Variants in LEMD3 observed in about 807,000 individuals in gnomAD.
The protein encoded by LEMD3 is LEM domain containing 3.
LEMD3 carries 33 observed loss-of-function variants against 95.2 expected under a neutral mutation model. That is an observed-to-expected ratio of 0.35 (90% CI 0.26 to 0.46). The LOEUF (loss-of-function observed/expected upper bound fraction) is 0.46, where lower values mean the gene tolerates loss of function less well. Among genes scored for constraint, LEMD3 ranks in the 20% least tolerant of loss-of-function variants. The pLI is 1.00. For synonymous variants in LEMD3, 525 were observed against 474.6 expected (o/e 1.11, Z -1.38); for missense variants, 1,210 against 1,192.8 (o/e 1.01, Z -0.21).
intron 9 of LEMD3, 58 bp downstream of exon 9, chr12:65,241,145 T>TA: frequency 7.0e-7 from 1 of 1,438,838 alleles, no homozygotes; most frequent in Non-Finnish European, 9.7e-7. Flanking sequence ...AAATGACAAA[T>TA]ATGTGTTAAG....
Position 65,169,662 on chromosome 12 carries a change from C to T in LEMD3, c.66C>T (p.Arg22=), listed in dbSNP as rs2136312141. Residue 22 remains arginine, a synonymous_variant, in exon 1 of 13, where the codon CGC becomes CGT. Transcript: ENST00000308330. ...LSDEELFSQL[R]RYGLSPGPVT... is the part of the protein sequence containing the mutation. Reference sequence around the variant, plus strand: ...ATGAGGAGCTTTTCTCTCAGCTCCGCCGTTACGGCCTGTCTCCCGGACCAG... The same window carrying T: ...ATGAGGAGCTTTTCTCTCAGCTCCGTCGTTACGGCCTGTCTCCCGGACCAG... 1 of 1,585,824 alleles carries T rather than the reference C, an allele frequency of 6.3e-7. No individual in the cohort carries two copies. Among genetic ancestry groups the T allele is most frequent in the Non-Finnish European group, 8.6e-7 (1 of 1,167,266 alleles).
At chr12:65,186,534 G>A (rs1869069318) in intron 1 of LEMD3, among the ~76,000 whole-genome samples, 1 of 151,604 alleles carries the variant, frequency 6.6e-6, no homozygotes, top group Non-Finnish European at 1.5e-5. Flanking sequence ...GGATGATTTA[G>A]GAGAGTCTTT....
At position 65,170,773 on chromosome 12, in the gene LEMD3, A is replaced by G; in HGVS notation, c.1177A>G (p.Ile393Val). The change falls in exon 1 of 13, where the codon ATT becomes GTT. Residue 393 changes from isoleucine to valine, a missense_variant. Physicochemically the swap from Ile to Val is conservative, Grantham distance 29 (BLOSUM62 3). This residue lies in a region of LEMD3 where 749 missense variants were observed against 622.9 expected (regional missense o/e 1.20). Transcript: ENST00000308330. ...CTCCCTTCTGAAAACCAATAATCATATTGGCGGTGGGGCCTTCAGTGTGGA... is the reference window on the plus strand; with the variant it reads ...CTCCCTTCTGAAAACCAATAATCATGTTGGCGGTGGGGCCTTCAGTGTGGA... ...TGSLLKTNNH[I>V]GGGAFSVDSP... is the part of the protein sequence containing the mutation. 6.2e-7 allele frequency: 1 copy of G among 1,614,148 alleles called. No individual in the cohort carries two copies. Among genetic ancestry groups the G allele is most frequent in the South Asian group, 1.1e-5 (1 of 91,082 alleles).
intron 8 of LEMD3, 89 bp from the exon 9 acceptor site, chr12:65,240,820 C>T: frequency 8.8e-7 from 1 of 1,135,978 alleles, no homozygotes; most frequent in Non-Finnish European, 1.3e-6. Flanking sequence ...GTAAGAACAG[C>T]TAGAGTTAAC....
At chr12:65,199,322 G>C (rs1029815331) in intron 1 of LEMD3, among the ~76,000 whole-genome samples, 33 of 152,104 alleles carry the variant, frequency 2.2e-4, no homozygotes, top group African/African-American at 7.7e-4. Flanking sequence ...ATTTGCTAAT[G>C]ATCTAACTTT....
Position 65,247,209 on chromosome 12 carries a change from A to G in LEMD3, c.*884A>G, listed in dbSNP as rs117029005. 4.5e-3 allele frequency: 681 copies of G among 152,696 alleles called. 2 individuals carry two copies. Among genetic ancestry groups the G allele is most frequent in the Non-Finnish European group, 7.2e-3 (488 of 67,990 alleles). 9.5% of individuals were successfully genotyped at this position (152,696 alleles called of 1,614,324 possible). A position where few individuals can be genotyped will look rare whatever the true frequency, so the allele number is the denominator to read the frequency against. On this transcript the variant is annotated 3_prime_UTR_variant, in exon 13 of 13. Transcript: ENST00000308330. ...TGTGAAAGTTCTGATACCAGTTGTA[A>G]TAGAGTCAAATTTATGTGAGCAATA...
chr12:65,245,449 ACT>A (rs1871076893), intron 10 of LEMD3: 4 of 523,962 alleles, frequency 7.6e-6, no homozygotes, highest in Non-Finnish European at 1.4e-5. Flanking sequence ...AGCGCTCTGC[ACT>A]CTTTTACTGG....
rs774512100 is a variant in LEMD3 at position 65,240,865 on chromosome 12, CA to C, written c.2127-42del. On this transcript the variant is annotated intron_variant, in intron 8 of 12. Transcript: ENST00000308330. ...AGATACTAATATTTCAAAAAGATGACAAGCCAAGATGATAGTAAATTTGCCA... is the reference window on the plus strand; with the variant it reads ...AGATACTAATATTTCAAAAAGATGACAGCCAAGATGATAGTAAATTTGCCA... 8 of 1,548,020 alleles carry C rather than the reference CA, an allele frequency of 5.2e-6. No homozygotes were observed. The African/African-American group carries it at 8.2e-5, about 16-fold the overall frequency.
At chr12:65,231,998 A>C (rs1434745423) in intron 4 of LEMD3, among the ~76,000 whole-genome samples, 1 of 152,094 alleles carries the variant, frequency 6.6e-6, no homozygotes, top group Non-Finnish European at 1.5e-5. Context: ...ATATTATGAA[A>C]TCACTCTAAT....
chr12:65,169,757 A>G lies in LEMD3; in HGVS notation c.161A>G (p.His54Arg). 3 of 1,591,664 alleles carry G rather than the reference A, an allele frequency of 1.9e-6. No individual in the cohort carries two copies. The highest frequency in any genetic ancestry group is 2.6e-6 in the Non-Finnish European group (3 of 1,168,962). ...CTTCGAGAGGAAGAGCAGCAACAGC[A>G]CCGGTCAGGGGGCCGCGGCAACAAG... ...KKLREEEQQQ[H>R]RSGGRGNKTR... The change falls in exon 1 of 13, where the codon CAC (histidine) becomes CGC (arginine). Residue 54 changes from histidine (H) to arginine (R), a missense_variant. His to Arg is a conservative substitution (Grantham distance 29). Around this residue, in one of 2 missense-constraint regions of LEMD3, gnomAD observed 749 missense variants for 622.9 expected, o/e 1.20. Coordinates refer to ENST00000308330, the MANE Select transcript of LEMD3 (RefSeq NM_014319.5).
chr12:65,216,105 T>C (rs753143504), intron 3 of LEMD3, 62 bp downstream of exon 3: 99 of 1,022,734 alleles, frequency 9.7e-5, no homozygotes, highest in Middle Eastern at 2.1e-4. Context: ...AGCATGTTAT[T>C]AGTAGAAAAT....
intron 4 of LEMD3, among the ~76,000 whole-genome samples, chr12:65,232,276 GAGAA>G (rs1870652585): frequency 6.6e-6 from 1 of 152,136 alleles, no homozygotes; most frequent in African/African-American, 2.4e-5. Context: ...TTCTGCTTAT[GAGAA>G]AGAGATCTAT....
Position 65,228,643 on chromosome 12 carries a change from G to A in LEMD3, c.1696-9859G>A, listed in dbSNP as rs11175691. Reference sequence around the variant, plus strand: ...GATCTCCTGACCTCGTCATCTGCCCGCCTCAGCCTCCCAGGGTGCTGGGAT... The same window carrying A: ...GATCTCCTGACCTCGTCATCTGCCCACCTCAGCCTCCCAGGGTGCTGGGAT... On this transcript the variant is annotated intron_variant, in intron 4 of 12. Coordinates refer to ENST00000308330, the MANE Select transcript of LEMD3 (RefSeq NM_014319.5). Among the ~76,000 whole-genome samples, 2,321 of 152,086 alleles carry A rather than the reference G, an allele frequency of 0.015. 83 individuals carry two copies. In the East Asian group the frequency reaches 0.17, roughly 11 times the overall value.
At chr12:65,209,121 T>G (rs1330797512) in intron 1 of LEMD3, among the ~76,000 whole-genome samples, 1 of 152,150 alleles carries the variant, frequency 6.6e-6, no homozygotes, top group Non-Finnish European at 1.5e-5. Flanking sequence ...ATATATCTAG[T>G]ACTATGCTTG....
intron 2 of LEMD3, among the ~76,000 whole-genome samples, 200 bp downstream of exon 2, chr12:65,211,163 C>A (rs1869926806): frequency 6.6e-6 from 1 of 152,136 alleles, no homozygotes; most frequent in South Asian, 2.1e-4. Flanking sequence ...TATTCCCTAA[C>A]TGTCGTATAA....
chr12:65,227,862 A>G (rs1417504880), intron 4 of LEMD3, among the ~76,000 whole-genome samples: 1 of 145,906 alleles, frequency 6.9e-6, no homozygotes, highest in Non-Finnish European at 1.5e-5. Context: ...TATAATAAGG[A>G]AAAAAAAAAA....
At chr12:65,171,342 C>A in intron 1 of LEMD3, 3 of 644,298 alleles carry the variant, frequency 4.7e-6, no homozygotes, top group Non-Finnish European at 7.6e-6. Context: ...TTGTGAAATT[C>A]AAAACAATTT....
At chr12:65,245,611 G>T in intron 10 of LEMD3, 58 bp from the exon 11 acceptor site, 1 of 1,157,682 alleles carries the variant, frequency 8.6e-7, no homozygotes. Context: ...AAGAGACAGT[G>T]AAGAATTTTT....
intron 1 of LEMD3, among the ~76,000 whole-genome samples, chr12:65,191,391 C>T (rs1869235214): frequency 1.3e-5 from 2 of 151,946 alleles, no homozygotes; most frequent in Admixed American, 1.3e-4. Context: ...TGACTGGTAA[C>T]ATCATAACAG....
Sources: gnomAD v4.1 joint callset for allele counts (sites outside exome capture counted in the v4.1 genomes callset) on GRCh38, gnomAD v4.1.1 for gene constraint, gnomAD v4.1.1 regional missense constraint, MANE v1.5 for transcripts, NCBI Gene and HGNC (gene_info 2026-07-23, HGNC 2026-07-21) for gene names.